SVIL: variants seen among roughly 807,000 people sequenced by gnomAD.
SVIL encodes supervillin.
Under a neutral mutation model 240.4 loss-of-function variants are expected in SVIL, and 101 were observed. The ratio of observed to expected loss-of-function variants is 0.42; its 90% CI spans 0.36 to 0.50. SVIL has a LOEUF of 0.50. Ranked by LOEUF, SVIL falls within the 20% of genes least tolerant of loss-of-function variation. The pLI is 0.01. For missense variants in SVIL, 2,512 were observed against 2,818.7 expected (o/e 0.89, Z 2.46); for synonymous variants, 999 against 1,100.0 (o/e 0.91, Z 1.82).
At chr10:29,612,541 G>T (rs2488675) in intron 1 of SVIL, among the ~76,000 whole-genome samples, 18,232 of 152,030 alleles carry the variant, frequency 0.12, 1,214 homozygotes, top group Middle Eastern at 0.19. Context: ...TCCTCCCAGG[G>T]TGCTCTGCCA....
intron 15 of SVIL, among the ~76,000 whole-genome samples, chr10:29,523,202 GT>G (rs1476348255): frequency 6.6e-6 from 1 of 152,182 alleles, no homozygotes; most frequent in African/African-American, 2.4e-5. Context: ...AGGCCATTGT[GT>G]GAGTGACCAA....
chr10:29,472,190 T>A (rs1377834989), intron 30 of SVIL, among the ~76,000 whole-genome samples: 1 of 152,172 alleles, frequency 6.6e-6, no homozygotes, highest in Non-Finnish European at 1.5e-5. Context: ...TGAGAGAGAT[T>A]AAGACTCAAA....
intron 1 of SVIL, chr10:29,711,968 GCAAGGATGA>G (rs1963321780): frequency 6.7e-6 from 1 of 149,738 alleles, no homozygotes; most frequent in Admixed American, 6.7e-5. Flanking sequence ...TGGCCCCTGC[GCAAGGATGA>G]CATGCAAATT....
chr10:29,503,327 A>G (rs1477524568), intron 17 of SVIL, among the ~76,000 whole-genome samples: 3 of 152,242 alleles, frequency 2.0e-5, no homozygotes, highest in African/African-American at 7.2e-5. Context: ...TCCTGTCACC[A>G]TCTACCAGCT....
chr10:29,542,710 G>A lies in SVIL; in HGVS notation c.828-6641C>T, dbSNP rs147266587. Among the ~76,000 whole-genome samples, 332 of 152,266 alleles carry A rather than the reference G, an allele frequency of 2.2e-3. 2 individuals are homozygous for A. Among genetic ancestry groups the A allele is most frequent in the African/African-American group, 7.6e-3 (315 of 41,556 alleles). On this transcript the variant is annotated intron_variant, in intron 6 of 37. Coordinates refer to ENST00000355867, the MANE Select transcript of SVIL (RefSeq NM_021738.3). ...TACTTTTAGTTATTTTAAAATGCAC[G>A]ATTATTAGACTATAGTCGCCCTGTT...
chr10:29,630,272 T>C (rs1958034780), intron 1 of SVIL, among the ~76,000 whole-genome samples: 2 of 152,158 alleles, frequency 1.3e-5, no homozygotes, highest in South Asian at 2.1e-4. Flanking sequence ...GGCAGACCAA[T>C]GATCCCAAAG....
At chr10:29,582,774 A>G (rs1956003946) in intron 1 of SVIL, among the ~76,000 whole-genome samples, 1 of 134,202 alleles carries the variant, frequency 7.5e-6, no homozygotes, top group Non-Finnish European at 1.6e-5. Context: ...ATAATAGTAA[A>G]CCTAGGTGTT....
chr10:29,545,092 T>G (rs368719108), intron 6 of SVIL: 4 of 534,450 alleles, frequency 7.5e-6, no homozygotes, highest in South Asian at 5.6e-5. Context: ...TCAAGCACGA[T>G]GCTCTCCTGC....
intron 7 of SVIL, among the ~76,000 whole-genome samples, chr10:29,535,423 C>T (rs1179028233): frequency 6.6e-6 from 1 of 152,180 alleles, no homozygotes. Flanking sequence ...GGAGCTTTGT[C>T]CTTCCATGAC....
At chr10:29,604,363 CT>C (rs71525560) in intron 1 of SVIL, among the ~76,000 whole-genome samples, 560 of 38,404 alleles carry the variant, frequency 0.015, no homozygotes, top group African/African-American at 0.024. Context: ...CCATGTCTGG[CT>C]TTTTTTTTTT....
At chr10:29,705,909 C>A (rs1347273590) in intron 1 of SVIL, among the ~76,000 whole-genome samples, 3 of 152,182 alleles carry the variant, frequency 2.0e-5, no homozygotes, top group Admixed American at 2.0e-4. Flanking sequence ...TAGGCTGATT[C>A]CATGACTTTG....
At position 29,484,703 on chromosome 10, in the gene SVIL, A is replaced by G. The variant is rs11819656; in HGVS notation, c.4908T>C (p.Cys1636=). ...LWNGTFDYEN[C]DINPLDPGEC... Reference sequence around the variant, plus strand: ...CTCCAGGATCCAGGGGATTGATGTCACAGTTCTCATAGTCAAAGGTTCCAT... The same window carrying G: ...CTCCAGGATCCAGGGGATTGATGTCGCAGTTCTCATAGTCAAAGGTTCCAT... The change falls in exon 27 of 38, where the codon TGT becomes TGC. Residue 1636 remains cysteine (C), a synonymous_variant. Coordinates refer to ENST00000355867, the MANE Select transcript of SVIL (RefSeq NM_021738.3). The surrounding 1 kb of genome is among the most constrained non-coding windows in gnomAD (Gnocchi z 4.7). 2.5e-6 allele frequency: 4 copies of G among 1,613,850 alleles called. No individual in the cohort carries two copies. Among genetic ancestry groups the G allele is most frequent in the Admixed American group, 1.7e-5 (1 of 59,988 alleles).
chr10:29,613,618 G>T (rs566454079), intron 1 of SVIL, among the ~76,000 whole-genome samples: 11 of 152,280 alleles, frequency 7.2e-5, no homozygotes, highest in African/African-American at 2.6e-4. Flanking sequence ...GATTACAGGC[G>T]TGGGGCCTGG....
chr10:29,631,345 A>G (rs994593638), intron 1 of SVIL, among the ~76,000 whole-genome samples: 1 of 152,236 alleles, frequency 6.6e-6, no homozygotes, highest in Non-Finnish European at 1.5e-5. Flanking sequence ...TAGCCCAGGT[A>G]AGAGATGGCG....
intron 2 of SVIL, among the ~76,000 whole-genome samples, chr10:29,564,686 C>G (rs1954818708): frequency 6.6e-6 from 1 of 152,186 alleles, no homozygotes; most frequent in African/African-American, 2.4e-5. Flanking sequence ...CCATCCTGCC[C>G]TCCTAGAACC....
intron 1 of SVIL, among the ~76,000 whole-genome samples, chr10:29,578,537 G>C (rs1471725586): frequency 6.6e-6 from 1 of 152,170 alleles, no homozygotes; most frequent in Non-Finnish European, 1.5e-5. Context: ...TTGACACCAG[G>C]TGCGCACAGA....
intron 17 of SVIL, among the ~76,000 whole-genome samples, chr10:29,507,530 C>A (rs890002989): frequency 6.6e-6 from 1 of 151,306 alleles, no homozygotes; most frequent in Non-Finnish European, 1.5e-5. Flanking sequence ...TAGACACACA[C>A]ACTCACATTC....
At chr10:29,666,694 C>T (rs1589478462) in intron 2 of SVIL, among the ~76,000 whole-genome samples, 2 of 152,122 alleles carry the variant, frequency 1.3e-5, no homozygotes, top group South Asian at 2.1e-4. Flanking sequence ...AAAGAAACTC[C>T]GGCAATAGTG....
At chr10:29,558,849 AC>A (rs1357733692) in intron 3 of SVIL, among the ~76,000 whole-genome samples, 1 of 150,400 alleles carries the variant, frequency 6.6e-6, no homozygotes, top group Non-Finnish European at 1.5e-5. Context: ...AATTGCTTGA[AC>A]CCGGGAGACA....
Sources: gnomAD v4.1 joint callset for allele counts (sites outside exome capture counted in the v4.1 genomes callset) on GRCh38, gnomAD v4.1.1 for gene constraint, Gnocchi (gnomAD v3.1) non-coding constraint, MANE v1.5 for transcripts, NCBI Gene and HGNC (gene_info 2026-07-23, HGNC 2026-07-21) for gene names.